The following CALHM5 variants were observed in gnomAD, a reference collection of about 807,000 sequenced individuals.
CALHM5 encodes calcium homeostasis modulator protein 5.
Under a neutral mutation model 20.9 loss-of-function variants are expected in CALHM5, and 17 were observed. The ratio of observed to expected loss-of-function variants is 0.82; its 90% confidence interval spans 0.56 to 1.22. CALHM5 has a LOEUF of 1.22. CALHM5 is among the 50% of genes most tolerant of loss of function. CALHM5 has a pLI of 0.00. For missense variants in CALHM5, 360 were observed against 364.6 expected (o/e 0.99, Z 0.10); for synonymous variants, 148 against 140.0 (o/e 1.06, Z -0.40).
rs1330445506 is a variant in CALHM5 at position 116,515,603 on chromosome 6, C to A, written c.544C>A (p.Leu182Ile). ...TCAATATTTCTTTCTTCTTAAGATT[C>A]TAGGATGGTGCCTGATTTGTTCAGC... ...KLSLQAQSQI[L>I]GWCLICSASF... The change falls in exon 2 of 2, where the codon CTA becomes ATA. Residue 182 changes from leucine (L) to isoleucine (I), a missense_variant. Leu to Ile is a conservative substitution (Grantham distance 5). Transcript: ENST00000368599. The A allele has an allele frequency of 8.1e-6, 13 of 1,606,210 alleles. No homozygotes were observed. The East Asian group carries it at 2.7e-4, about 33-fold the overall frequency.
Position 116,517,877 on chromosome 6 carries a change from T to G in CALHM5, c.*1888T>G, listed in dbSNP as rs948102887. On this transcript the variant is annotated 3_prime_UTR_variant, in exon 2 of 2. Transcript: ENST00000368599. ...AGTCGATCACAAATGGATAATGATT[T>G]AATCAATCATGCCTAAGAATAAAGC... is the stretch of plus-strand genomic sequence containing the variant. 6.6e-6 allele frequency: 1 copy of G among 152,120 alleles called. No individual in the cohort carries two copies. The highest frequency in any genetic ancestry group is 6.5e-5 in the Admixed American group (1 of 15,272). The allele number at this position is 152,120 out of a possible 1,614,324, so 9.4% of individuals were successfully genotyped here.
intron 1 of CALHM5, 112 bp from the exon 2 acceptor site, chr6:116,515,488 G>C: frequency 9.2e-7 from 1 of 1,088,440 alleles, no homozygotes; most frequent in Non-Finnish European, 1.3e-6. Flanking sequence ...GATTTCAAAT[G>C]AGGTATGTCA....
chr6:116,512,825 C>T (rs750454450), intron 1 of CALHM5, among the ~76,000 whole-genome samples: 2 of 152,122 alleles, frequency 1.3e-5, no homozygotes, highest in Non-Finnish European at 2.9e-5. Context: ...TTTTAAATAG[C>T]CTTCTGTGAA....
At chr6:116,513,061 AG>A (rs558572222) in intron 1 of CALHM5, among the ~76,000 whole-genome samples, 6 of 152,192 alleles carry the variant, frequency 3.9e-5, no homozygotes, top group Non-Finnish European at 8.8e-5. Context: ...TCCCATTTAT[AG>A]GTAGTAAGAA....
rs1460453023 is a variant in CALHM5, at chr6:116,522,625, T to A, written c.*6636T>A. Reference sequence around the variant, plus strand: ...CTTTCAATTATTTTTGGTTAATTTTTGTTTGAAAGGAATACAAACATATTA... The same window carrying A: ...CTTTCAATTATTTTTGGTTAATTTTAGTTTGAAAGGAATACAAACATATTA... On this transcript the variant is annotated 3_prime_UTR_variant, in exon 2 of 2. Transcript: ENST00000368599. The A allele has an allele frequency of 6.6e-6, 1 of 152,218 alleles. No individual in the cohort carries two copies. The highest frequency in any genetic ancestry group is 1.5e-5 in the Non-Finnish European group (1 of 68,040). The allele number at this position is 152,218 out of a possible 1,614,324, so 9.4% of individuals were successfully genotyped here. A position where few individuals can be genotyped will look rare whatever the true frequency, so the allele number is the denominator to read the frequency against.
chr6:116,513,055 A>G (rs1436115772), intron 1 of CALHM5, among the ~76,000 whole-genome samples: 1 of 152,194 alleles, frequency 6.6e-6, no homozygotes, highest in Non-Finnish European at 1.5e-5. Flanking sequence ...CTAACTTCCC[A>G]TTTATAGGTA....
At chr6:116,515,042 C>A (rs1437853763) in intron 1 of CALHM5, among the ~76,000 whole-genome samples, 2 of 152,148 alleles carry the variant, frequency 1.3e-5, no homozygotes, top group African/African-American at 2.4e-5. Flanking sequence ...CAAGACAAAT[C>A]ATTTTCAAGG....
rs991291258 is a variant in CALHM5, at chr6:116,517,945, A to G, written c.*1956A>G. ...AGGACAAGGTTCAGAGAGCTTCTGCATTGCTCAATACATGAGGAGTGGTGA... is the reference window on the plus strand; with the variant it reads ...AGGACAAGGTTCAGAGAGCTTCTGCGTTGCTCAATACATGAGGAGTGGTGA... On this transcript the variant is annotated 3_prime_UTR_variant, in exon 2 of 2. Transcript: ENST00000368599. The G allele has an allele frequency of 3.3e-5, 5 of 152,226 alleles. No homozygotes were observed. The highest frequency in any genetic ancestry group is 9.6e-5 in the African/African-American group (4 of 41,464). 9.4% of individuals were successfully genotyped at this position (152,226 alleles called of 1,614,324 possible).
rs1419387647 is a variant in CALHM5 at position 116,523,219 on chromosome 6, A to G, written c.*7230A>G. The G allele has an allele frequency of 6.6e-6, 1 of 152,108 alleles. No individual in the cohort carries two copies. Among genetic ancestry groups the G allele is most frequent in the Non-Finnish European group, 1.5e-5 (1 of 68,018 alleles). 9.4% of individuals were successfully genotyped at this position (152,108 alleles called of 1,614,324 possible). A position where few individuals can be genotyped will look rare whatever the true frequency, so the allele number is the denominator to read the frequency against. On this transcript the variant is annotated 3_prime_UTR_variant, in exon 2 of 2. Coordinates refer to ENST00000368599, the MANE Select transcript of CALHM5 (RefSeq NM_153711.5). ...ACTGAATCGGTCATCAGCCCGTCCA[A>G]GATTTTGGGGTGCCTTTCCATTCAT...
rs1396857615 is a variant in CALHM5, at chr6:116,522,615, G to T, written c.*6626G>T. 6.6e-6 allele frequency: 1 copy of T among 152,022 alleles called. No individual in the cohort carries two copies. Among genetic ancestry groups the T allele is most frequent in the Non-Finnish European group, 1.5e-5 (1 of 68,008 alleles). The allele number at this position is 152,022 out of a possible 1,614,324, so 9.4% of individuals were successfully genotyped here. ...TGGAGATTCACTTTCAATTATTTTT[G>T]GTTAATTTTTGTTTGAAAGGAATAC... is the stretch of plus-strand genomic sequence containing the variant. On this transcript the variant is annotated 3_prime_UTR_variant, in exon 2 of 2. Coordinates refer to ENST00000368599, the MANE Select transcript of CALHM5 (RefSeq NM_153711.5).
At chr6:116,514,900 A>G (rs1251926571) in intron 1 of CALHM5, among the ~76,000 whole-genome samples, 1 of 152,250 alleles carries the variant, frequency 6.6e-6, no homozygotes, top group African/African-American at 2.4e-5. Context: ...TTCAATTGTG[A>G]AAACAGAGTT....
At chr6:116,514,392 C>T (rs553917198) in intron 1 of CALHM5, among the ~76,000 whole-genome samples, 6 of 152,294 alleles carry the variant, frequency 3.9e-5, no homozygotes, top group Admixed American at 2.0e-4. Flanking sequence ...GTAGTTGTGC[C>T]TCACTCATTA....
Position 116,521,839 on chromosome 6 carries a change from T to C in CALHM5, c.*5850T>C, listed in dbSNP as rs1032567556. 2 of 152,194 alleles carry C rather than the reference T, an allele frequency of 1.3e-5. No individual in the cohort carries two copies. Among genetic ancestry groups the C allele is most frequent in the African/African-American group, 2.4e-5 (1 of 41,454 alleles). The allele number at this position is 152,194 out of a possible 1,614,324, so 9.4% of individuals were successfully genotyped here. A position where few individuals can be genotyped will look rare whatever the true frequency, so the allele number is the denominator to read the frequency against. ...TATCCTCACTTTGAATCTGACCTTA[T>C]GAACCAATAAAATATGGCAGACATG... On this transcript the variant is annotated 3_prime_UTR_variant, in exon 2 of 2. Transcript: ENST00000368599.
chr6:116,514,936 T>C (rs980685272), intron 1 of CALHM5, among the ~76,000 whole-genome samples: 7 of 152,208 alleles, frequency 4.6e-5, no homozygotes, highest in Non-Finnish European at 8.8e-5. Flanking sequence ...AGAAGATAAT[T>C]TAAGCTATTT....
In CALHM5 at chr6:116,512,198, A is replaced by G. The variant is rs762735119; in HGVS notation, c.502A>G (p.Asn168Asp). The change falls in exon 1 of 2, where the codon AAT (asparagine) becomes GAT (aspartate). Residue 168 changes from asparagine (N) to aspartate (D), a missense_variant. By Grantham distance (23) the Asn-to-Asp change is conservative. Transcript: ENST00000368599. Reference protein sequence around the residue: ...CGKTSMLPTVNEELKLSLQAQ... With the variant: ...CGKTSMLPTVDEELKLSLQAQ... ...CAAAACTAGCATGCTACCTACCGTCAATGAAGAACTGAAACTCTCCCTTCA... is the reference window on the plus strand; with the variant it reads ...CAAAACTAGCATGCTACCTACCGTCGATGAAGAACTGAAACTCTCCCTTCA... 1.3e-5 allele frequency: 21 copies of G among 1,606,840 alleles called. No homozygotes were observed. Among genetic ancestry groups the G allele is most frequent in the Non-Finnish European group, 5.1e-6 (6 of 1,179,574 alleles).
chr6:116,515,548 C>A, intron 1 of CALHM5, 52 bp from the exon 2 acceptor site: 1 of 1,534,690 alleles, frequency 6.5e-7, no homozygotes, highest in Non-Finnish European at 8.8e-7. Flanking sequence ...TACCCCAGCT[C>A]CCTAAATGGC....
chr6:116,516,013 G>A lies in CALHM5; in HGVS notation c.*24G>A. On this transcript the variant is annotated 3_prime_UTR_variant, in exon 2 of 2. Transcript: ENST00000368599. ...AGCTCATCCACCATCAATGACTCAT[G>A]GTGTTGAGTGGCATGCTCATTCTGT... is the stretch of plus-strand genomic sequence containing the variant. 1 of 1,554,470 alleles carries A rather than the reference G, an allele frequency of 6.4e-7. No individual in the cohort carries two copies. Among genetic ancestry groups the A allele is most frequent in the Non-Finnish European group, 8.7e-7 (1 of 1,147,552 alleles).
chr6:116,514,911 A>G (rs1175183841), intron 1 of CALHM5, among the ~76,000 whole-genome samples: 1 of 152,254 alleles, frequency 6.6e-6, no homozygotes, highest in Non-Finnish European at 1.5e-5. Context: ...AAACAGAGTT[A>G]GAGCCAAAAA....
At chr6:116,512,268 A>G in intron 1 of CALHM5, 32 bp downstream of exon 1, 2 of 1,564,246 alleles carry the variant, frequency 1.3e-6, no homozygotes, top group Non-Finnish European at 1.7e-6. Context: ...TTTTTCTCTC[A>G]GCATGAGCTC....
Sources: allele counts gnomAD v4.1 joint callset (sites outside exome capture counted in the v4.1 genomes callset), GRCh38; gene constraint gnomAD v4.1.1; transcripts MANE v1.5; gene names NCBI Gene and HGNC (gene_info 2026-07-23, HGNC 2026-07-21).